The following MUC20 variants were observed in gnomAD, a reference collection of about 807,000 sequenced individuals.
MUC20 encodes mucin-20.
In MUC20, 14 loss-of-function variants were observed where a neutral mutation model predicts 23.8. The observed-to-expected ratio is 0.59, with a 90% confidence interval of 0.39 to 0.92. The LOEUF is 0.92. MUC20 is among the 40% of genes least tolerant of loss of function. The probability of loss-of-function intolerance (pLI) is 0.00; values close to 1 mark genes in which losing one functional copy is unlikely to be tolerated. For synonymous variants in MUC20, 166 were observed against 279.3 expected, an observed-to-expected ratio of 0.59 and a Z score of 4.04; for missense variants, 375 against 668.8, an observed-to-expected ratio of 0.56 and a Z score of 4.85.
chr3:195,727,293 G>A (rs1395902632), intron 2 of MUC20, among the ~76,000 whole-genome samples: 1 of 152,272 alleles, frequency 6.6e-6, no homozygotes, highest in African/African-American at 2.4e-5. Context: ...CCAGCTACTT[G>A]GGAGACTGAG....
chr3:195,728,691 C>A (rs1713018580), intron 2 of MUC20, among the ~76,000 whole-genome samples: 1 of 151,972 alleles, frequency 6.6e-6, no homozygotes, highest in South Asian at 2.1e-4. Context: ...GGGTGTCAGC[C>A]TGGGGGACGG....
chr3:195,728,167 GAAAT>G (rs1437625147), intron 2 of MUC20, among the ~76,000 whole-genome samples: 5 of 152,288 alleles, frequency 3.3e-5, no homozygotes, highest in Admixed American at 6.5e-5. Flanking sequence ...ACTGAGAAAA[GAAAT>G]AAGGCACAGA....
intron 1 of MUC20, chr3:195,724,296 G>T: frequency 6.4e-6 from 2 of 310,268 alleles, no homozygotes; most frequent in Non-Finnish European, 8.5e-6. Context: ...AAGTATCCGG[G>T]GAAGGGGACA....
At position 195,725,912 on chromosome 3, in the gene MUC20, C is replaced by A. The variant is rs199620417; in HGVS notation, c.1309C>A (p.Pro437Thr). 1 of 1,515,554 alleles carries A rather than the reference C, an allele frequency of 6.6e-7. No individual in the cohort carries two copies. The highest frequency in any genetic ancestry group is 9.1e-7 in the Non-Finnish European group (1 of 1,096,874). The allele number at this position is 1,515,554 out of a possible 1,614,324, so 93.9% of individuals were successfully genotyped here. The change falls in exon 2 of 4, where the codon CCT becomes ACT. Residue 437 changes from proline to threonine, a missense_variant. Transcript: ENST00000447234. ...TEIETTTSSIPGASDTDLIPT... is the reference protein window; with the variant it reads ...TEIETTTSSITGASDTDLIPT... The stretch of plus-strand genomic sequence containing the variant: ...AATAGAAACAACGACTTCCAGCATC[C>A]CTGGGGCCTCAGACACAGATCTCAT...
At chr3:195,729,067 C>CA (rs1446335623) in intron 2 of MUC20, among the ~76,000 whole-genome samples, 2 of 152,282 alleles carry the variant, frequency 1.3e-5, no homozygotes, top group East Asian at 3.8e-4. Flanking sequence ...GACACAGTGA[C>CA]AGTCTGATCG....
intron 3 of MUC20, among the ~76,000 whole-genome samples, chr3:195,730,683 G>A (rs1421636120): frequency 2.6e-5 from 4 of 152,212 alleles, no homozygotes; most frequent in African/African-American, 7.2e-5. Context: ...ATCTGGGGAA[G>A]TGCAGGTCTC....
intron 3 of MUC20, among the ~76,000 whole-genome samples, chr3:195,732,428 C>T (rs778432466): frequency 4.0e-5 from 6 of 151,624 alleles, no homozygotes; most frequent in Admixed American, 6.6e-5. Context: ...GGCACGATCT[C>T]GGCTCACTGC....
chr3:195,732,109 T>G (rs973022876), intron 3 of MUC20, among the ~76,000 whole-genome samples: 17 of 152,170 alleles, frequency 1.1e-4, no homozygotes, highest in African/African-American at 3.9e-4. Context: ...GTTCAAGCCA[T>G]TCTCCTGCCT....
chr3:195,732,194 G>A (rs1234969940), intron 3 of MUC20, among the ~76,000 whole-genome samples: 1 of 152,028 alleles, frequency 6.6e-6, no homozygotes. Flanking sequence ...AGTAGAGATG[G>A]AGTTTCAGGT....
At chr3:195,726,949 G>A (rs1386303064) in intron 2 of MUC20, among the ~76,000 whole-genome samples, 1 of 152,264 alleles carries the variant, frequency 6.6e-6, no homozygotes, top group Non-Finnish European at 1.5e-5. Context: ...GCACTGTTGA[G>A]CAGCTCTGGA....
chr3:195,730,585 C>T (rs1052036226), intron 3 of MUC20, among the ~76,000 whole-genome samples: 5 of 152,126 alleles, frequency 3.3e-5, no homozygotes, highest in African/African-American at 7.2e-5. Context: ...CTCCTGACCT[C>T]GTGATCCACC....
At chr3:195,731,619 G>C (rs1394072115) in intron 3 of MUC20, among the ~76,000 whole-genome samples, 2 of 152,254 alleles carry the variant, frequency 1.3e-5, no homozygotes, top group African/African-American at 2.4e-5. Flanking sequence ...TGCTGCCACA[G>C]CCAAGGGGCA....
chr3:195,729,520 T>C (rs778148346), intron 2 of MUC20, 128 bp from the exon 3 acceptor site: 31 of 835,688 alleles, frequency 3.7e-5, no homozygotes, highest in Non-Finnish European at 5.3e-5. Context: ...TTCTCCATGT[T>C]GGTCAGGCTG....
intron 2 of MUC20, 50 bp from the exon 3 acceptor site, chr3:195,729,577 AAGTGCTGGGATGACAGGTGTG>A (rs1713143388): frequency 7.0e-7 from 1 of 1,421,850 alleles, no homozygotes; most frequent in African/African-American, 1.4e-5. Context: ...CTGCCTCCCA[AAGTGCTGGGATGACAGGTGTG>A]AGCCACTGCG....
intron 2 of MUC20, 41 bp downstream of exon 2, chr3:195,726,613 C>G (rs771215245): frequency 1.7e-5 from 27 of 1,578,416 alleles, no homozygotes; most frequent in Non-Finnish European, 2.2e-5. Context: ...ATTTGGGATG[C>G]GGAGTTTCCA....
At position 195,729,727 on chromosome 3, in the gene MUC20, G is replaced by A. The variant is rs1004058875; in HGVS notation, c.2049G>A (p.Arg683=). 1.3e-6 allele frequency: 2 copies of A among 1,596,286 alleles called. No homozygotes were observed. The highest frequency in any genetic ancestry group is 2.7e-5 in the African/African-American group (2 of 74,530). The change falls in exon 3 of 4, where the codon AGG becomes AGA. Residue 683 remains arginine (R), a synonymous_variant. Coordinates refer to ENST00000447234, the MANE Select transcript of MUC20 (RefSeq NM_001282506.2). ...TCACTGACCCCAGAGTGGCAGAAAGGCTGATGCAGCAGGTGAGTGGGCACT... is the reference window on the plus strand; with the variant it reads ...TCACTGACCCCAGAGTGGCAGAAAGACTGATGCAGCAGGTGAGTGGGCACT... ...EDLTDPRVAE[R]LMQQLHRELH...
intron 2 of MUC20, among the ~76,000 whole-genome samples, chr3:195,728,338 T>C (rs1712940505): frequency 6.6e-6 from 1 of 152,288 alleles, no homozygotes; most frequent in South Asian, 2.1e-4. Flanking sequence ...AGGGTGATAA[T>C]AAGGAGAAGG....
chr3:195,731,492 A>G (rs1429840556), intron 3 of MUC20, among the ~76,000 whole-genome samples: 2 of 152,270 alleles, frequency 1.3e-5, no homozygotes, highest in African/African-American at 4.8e-5. Flanking sequence ...AATCAAAGCA[A>G]TGCCAGGACA....
rs766539046 is a variant in MUC20, at chr3:195,726,519, C to T, written c.1916C>T (p.Pro639Leu). 3.1e-6 allele frequency: 5 copies of T among 1,613,906 alleles called. No homozygotes were observed. The highest frequency in any genetic ancestry group is 2.5e-6 in the Non-Finnish European group (3 of 1,179,896). ...TTSAKTTMKP[P>L]TATPTTARTR... Reference sequence around the variant, plus strand: ...TCAGCGAAGACCACGATGAAGCCCCCAACAGCCACGCCCACGACTGCCCGG... The same window carrying T: ...TCAGCGAAGACCACGATGAAGCCCCTAACAGCCACGCCCACGACTGCCCGG... The change falls in exon 2 of 4, where the codon CCA (proline) becomes CTA (leucine). Residue 639 changes from proline to leucine, a missense_variant. Physicochemically the swap from Pro to Leu is moderately conservative, Grantham distance 98. This residue lies in a region of MUC20 where 343 missense variants were observed against 340.2 expected (regional missense o/e 1.01). Transcript: ENST00000447234.
Sources: gnomAD v4.1 joint callset for allele counts (sites outside exome capture counted in the v4.1 genomes callset) on GRCh38, gnomAD v4.1.1 for gene constraint, gnomAD v4.1.1 regional missense constraint, MANE v1.5 for transcripts, NCBI Gene and HGNC (gene_info 2026-07-23, HGNC 2026-07-21) for gene names.